Variants in LRMDA observed in about 807,000 individuals in gnomAD.
LRMDA encodes the protein leucine rich melanocyte differentiation associated.
A neutral mutation model predicts 29.8 loss-of-function variants in LRMDA; 18 were observed. That is an observed-to-expected ratio of 0.60 (90% CI 0.42 to 0.90). The LOEUF is 0.90. Among genes scored for constraint, LRMDA ranks in the 40% least tolerant of loss-of-function variants. The pLI, the probability that LRMDA is intolerant of heterozygous loss-of-function variation, is 0.00. For synonymous variants in LRMDA, 125 were observed against 109.4 expected, an observed-to-expected ratio of 1.14 and a Z score of -0.89; for missense variants, 273 against 273.9, an observed-to-expected ratio of 1.00 and a Z score of 0.02.
At chr10:76,171,976 A>G (rs748166875) in intron 5 of LRMDA, among the ~76,000 whole-genome samples, 1 of 152,184 alleles carries the variant, frequency 6.6e-6, no homozygotes, top group Non-Finnish European at 1.5e-5. Flanking sequence ...GGCCTCCCTC[A>G]TACTGCTCCC....
chr10:76,147,331 G>C (rs1448710269), intron 5 of LRMDA, among the ~76,000 whole-genome samples: 4 of 151,994 alleles, frequency 2.6e-5, no homozygotes, highest in Non-Finnish European at 5.9e-5. Flanking sequence ...CCAATCAGAC[G>C]TAGATTTGGT....
At chr10:75,627,980 C>A (rs1841273029) in intron 2 of LRMDA, among the ~76,000 whole-genome samples, 1 of 152,234 alleles carries the variant, frequency 6.6e-6, no homozygotes, top group South Asian at 2.1e-4. Flanking sequence ...TCTTGGTCAA[C>A]ATATCTCCAG....
At chr10:75,760,772 A>G (rs1843085403) in intron 2 of LRMDA, among the ~76,000 whole-genome samples, 1 of 151,904 alleles carries the variant, frequency 6.6e-6, no homozygotes, top group Non-Finnish European at 1.5e-5. Flanking sequence ...ACTTCTTTTC[A>G]CCTCTTTTGA....
chr10:76,378,858 CTTTTTTTTTTTT>C (rs144037195), intron 6 of LRMDA, among the ~76,000 whole-genome samples: 2 of 118,966 alleles, frequency 1.7e-5, no homozygotes, highest in African/African-American at 3.3e-5. Flanking sequence ...CTTTTTTTTT[CTTTTTTTTTTTT>C]TTTTGAGACG....
intron 5 of LRMDA, among the ~76,000 whole-genome samples, chr10:76,101,160 A>C (rs1849388887): frequency 6.6e-6 from 1 of 152,212 alleles, no homozygotes; most frequent in South Asian, 2.1e-4. Flanking sequence ...AGTCCTAATA[A>C]TTCATTTTAT....
intron 6 of LRMDA, among the ~76,000 whole-genome samples, chr10:76,467,182 C>A (rs551898510): frequency 6.6e-6 from 1 of 152,148 alleles, no homozygotes; most frequent in Non-Finnish European, 1.5e-5. Flanking sequence ...CTATGGAAAA[C>A]GTGAATTAAG....
chr10:75,500,662 T>C (rs1845101792), intron 2 of LRMDA, among the ~76,000 whole-genome samples: 1 of 152,146 alleles, frequency 6.6e-6, no homozygotes, highest in Non-Finnish European at 1.5e-5. Flanking sequence ...TAGGGAGGCC[T>C]CAGGAAACTT....
At chr10:75,845,660 C>T (rs536908352) in intron 2 of LRMDA, among the ~76,000 whole-genome samples, 25 of 152,334 alleles carry the variant, frequency 1.6e-4, no homozygotes, top group Admixed American at 4.6e-4. Context: ...CCATCAATTG[C>T]ACCATCAGCT....
intron 5 of LRMDA, among the ~76,000 whole-genome samples, chr10:76,300,913 A>G (rs944784281): frequency 4.6e-5 from 7 of 152,160 alleles, no homozygotes; most frequent in Admixed American, 3.9e-4. Context: ...GTTAAACAGG[A>G]GGGCTTATGG....
At chr10:75,795,052 G>C (rs1033026497) in intron 2 of LRMDA, among the ~76,000 whole-genome samples, 4 of 151,354 alleles carry the variant, frequency 2.6e-5, no homozygotes, top group African/African-American at 9.7e-5. Context: ...TGGCTTTTAT[G>C]TTTAGGTCTT....
At chr10:76,126,203 T>A (rs1412187351) in intron 5 of LRMDA, among the ~76,000 whole-genome samples, 1 of 152,194 alleles carries the variant, frequency 6.6e-6, no homozygotes, top group Non-Finnish European at 1.5e-5. Context: ...TTGAGGTTGT[T>A]CATGATGGAG....
intron 2 of LRMDA, among the ~76,000 whole-genome samples, chr10:76,011,408 G>A (rs1276006816): frequency 1.3e-5 from 2 of 152,148 alleles, no homozygotes; most frequent in African/African-American, 4.8e-5. Context: ...TGGGAATGTG[G>A]CCATCTCGTC....
intron 2 of LRMDA, among the ~76,000 whole-genome samples, chr10:75,634,698 C>T (rs1252084361): frequency 1.3e-5 from 2 of 152,208 alleles, no homozygotes; most frequent in Non-Finnish European, 2.9e-5. Flanking sequence ...TTTGAGTGAA[C>T]TCATTGCTAA....
At chr10:76,541,988 C>A (rs983278664) in intron 6 of LRMDA, among the ~76,000 whole-genome samples, 7 of 151,954 alleles carry the variant, frequency 4.6e-5, no homozygotes, top group Non-Finnish European at 8.8e-5. Context: ...GTCATACTTG[C>A]GTTGTTCCAG....
chr10:75,483,953 C>A (rs1019986222), intron 2 of LRMDA, among the ~76,000 whole-genome samples: 1 of 148,098 alleles, frequency 6.8e-6, no homozygotes. Context: ...TGTGGTCCTC[C>A]CCACTGCCAC....
intron 6 of LRMDA, among the ~76,000 whole-genome samples, chr10:76,387,142 C>T (rs1035992323): frequency 6.6e-6 from 1 of 152,018 alleles, no homozygotes; most frequent in Non-Finnish European, 1.5e-5. Context: ...TTTTATATTA[C>T]TACAAAAATA....
chr10:75,448,361 C>T (rs1235068648), intron 2 of LRMDA, among the ~76,000 whole-genome samples: 1 of 152,100 alleles, frequency 6.6e-6, no homozygotes, highest in Admixed American at 6.5e-5. Flanking sequence ...CCGCACTGCC[C>T]CACCCTCTCC....
At chr10:75,783,329 T>C (rs1443538671) in intron 2 of LRMDA, among the ~76,000 whole-genome samples, 1 of 152,128 alleles carries the variant, frequency 6.6e-6, no homozygotes, top group African/African-American at 2.4e-5. Context: ...GTTGCACCAT[T>C]CTTACTGCTG....
chr10:76,464,019 A>C (rs1842539325), intron 6 of LRMDA, among the ~76,000 whole-genome samples: 1 of 145,364 alleles, frequency 6.9e-6, no homozygotes, highest in African/African-American at 2.5e-5. Flanking sequence ...CTCCCGGTTC[A>C]AGCGATTATC....
Sources: allele counts gnomAD v4.1 joint callset (sites outside exome capture counted in the v4.1 genomes callset), GRCh38; gene constraint gnomAD v4.1.1; transcripts MANE v1.5; gene names NCBI Gene and HGNC (gene_info 2026-07-23, HGNC 2026-07-21).